ANTXR2: variants seen among roughly 807,000 people sequenced by gnomAD.
ANTXR2 encodes the protein anthrax toxin receptor 2.
In ANTXR2, 44 loss-of-function variants were observed where a neutral mutation model predicts 73.7. That is an observed-to-expected ratio of 0.60 (90% CI 0.47 to 0.77). The LOEUF is 0.77. Among genes scored for constraint, ANTXR2 ranks in the 30% least tolerant of loss-of-function variants. The pLI is 0.00. For missense variants in ANTXR2, 604 were observed against 592.5 expected (o/e 1.02, Z -0.20); for synonymous variants, 217 against 205.9 (o/e 1.05, Z -0.46).
intron 10 of ANTXR2, among the ~76,000 whole-genome samples, chr4:80,028,477 G>C (rs1000257122): frequency 3.3e-5 from 5 of 152,114 alleles, no homozygotes; most frequent in African/African-American, 1.2e-4. Flanking sequence ...AGAACGGATA[G>C]AGCAGGCTAA....
At chr4:80,030,095 T>C (rs1050548613) in intron 10 of ANTXR2, among the ~76,000 whole-genome samples, 1 of 151,988 alleles carries the variant, frequency 6.6e-6, no homozygotes, top group Non-Finnish European at 1.5e-5. Flanking sequence ...AAGCAAGAGA[T>C]GGCAGTAACT....
chr4:79,992,182 T>C (rs994060900), intron 12 of ANTXR2, among the ~76,000 whole-genome samples: 2 of 152,028 alleles, frequency 1.3e-5, no homozygotes, highest in African/African-American at 4.8e-5. Context: ...AGTGGGAAGT[T>C]CATTATCTTA....
intron 16 of ANTXR2, among the ~76,000 whole-genome samples, chr4:79,960,941 T>A (rs1350450615): frequency 6.6e-6 from 1 of 151,974 alleles, no homozygotes; most frequent in Non-Finnish European, 1.5e-5. Context: ...ATAAGTACAT[T>A]TTTAGGAATA....
chr4:79,982,650 G>A (rs1474177204), intron 14 of ANTXR2, among the ~76,000 whole-genome samples: 3 of 152,016 alleles, frequency 2.0e-5, no homozygotes, highest in African/African-American at 7.2e-5. Context: ...TCAGTTTCTA[G>A]CACACAAAAA....
intron 16 of ANTXR2, among the ~76,000 whole-genome samples, chr4:79,949,489 G>C (rs1578104851): frequency 6.6e-6 from 1 of 152,108 alleles, no homozygotes. Context: ...AATATGGCAG[G>C]TTAAAAAAGT....
At chr4:80,042,260 C>A (rs1344034842) in intron 7 of ANTXR2, among the ~76,000 whole-genome samples, 1 of 151,978 alleles carries the variant, frequency 6.6e-6, no homozygotes, top group Non-Finnish European at 1.5e-5. Flanking sequence ...TAGAAAACTG[C>A]AAAACTCCGT....
chr4:80,039,300 C>G (rs1436601660), intron 7 of ANTXR2, among the ~76,000 whole-genome samples: 1 of 152,012 alleles, frequency 6.6e-6, no homozygotes, highest in Non-Finnish European at 1.5e-5. Context: ...TCTTTTCCAT[C>G]TAGAGTTTAC....
At chr4:80,050,018 C>G (rs551435630) in intron 7 of ANTXR2, among the ~76,000 whole-genome samples, 6 of 151,790 alleles carry the variant, frequency 4.0e-5, no homozygotes, top group African/African-American at 1.4e-4. Context: ...GATCCTTGAC[C>G]TAGTTCCATT....
chr4:80,030,800 G>GT (rs1732654952), intron 10 of ANTXR2, among the ~76,000 whole-genome samples: 1 of 152,018 alleles, frequency 6.6e-6, no homozygotes, highest in Admixed American at 6.6e-5. Flanking sequence ...TTGTGGCCTT[G>GT]TATATGTAAT....
Position 80,044,073 on chromosome 4 carries a change from C to T in ANTXR2, c.637-8041G>A, listed in dbSNP as rs537527057. ...AGGGACAAATACTCCAAGAATCCAA[C>T]GGGCTACAAAGAAGTTTCCTATCTT... On this transcript the variant is annotated intron_variant, in intron 7 of 16. Transcript: ENST00000403729. Among the ~76,000 whole-genome samples the T allele has an allele frequency of 5.9e-5, 9 of 151,948 alleles. No homozygotes were observed. The South Asian group carries it at 1.2e-3, about 21-fold the overall frequency.
intron 7 of ANTXR2, among the ~76,000 whole-genome samples, chr4:80,039,383 C>T (rs1292313616): frequency 6.6e-6 from 1 of 151,900 alleles, no homozygotes; most frequent in African/African-American, 2.4e-5. Flanking sequence ...TAGTTTGCAC[C>T]ATAAGTTTTT....
chr4:80,057,027 T>C (rs946223666), intron 3 of ANTXR2, among the ~76,000 whole-genome samples: 12 of 151,830 alleles, frequency 7.9e-5, no homozygotes, highest in African/African-American at 2.9e-4. Flanking sequence ...ACTTTTTCAA[T>C]AGAAGCAAAA....
chr4:80,064,349 CA>C (rs1254519779), intron 3 of ANTXR2, among the ~76,000 whole-genome samples: 1 of 151,790 alleles, frequency 6.6e-6, no homozygotes, highest in Non-Finnish European at 1.5e-5. Flanking sequence ...GGTATAATCA[CA>C]AAAAAAGACA....
intron 16 of ANTXR2, among the ~76,000 whole-genome samples, chr4:79,965,762 T>C (rs1729338204): frequency 6.6e-6 from 1 of 152,226 alleles, no homozygotes; most frequent in African/African-American, 2.4e-5. Flanking sequence ...TTGCTATGCA[T>C]AGACAATTCT....
intron 12 of ANTXR2, among the ~76,000 whole-genome samples, chr4:79,986,360 T>C (rs545625341): frequency 6.6e-6 from 1 of 152,312 alleles, no homozygotes; most frequent in East Asian, 1.9e-4. Context: ...ATAGCAACTT[T>C]GAAAATGTGG....
chr4:79,918,809 A>C (rs1727456107), intron 16 of ANTXR2, among the ~76,000 whole-genome samples: 1 of 152,068 alleles, frequency 6.6e-6, no homozygotes, highest in Non-Finnish European at 1.5e-5. Flanking sequence ...AAAGAAAATA[A>C]ATTTTTATGA....
At position 79,902,153 on chromosome 4, in the gene ANTXR2, G is replaced by A. The variant is rs534452397; in HGVS notation, c.*5276C>T. The A allele has an allele frequency of 1.3e-5, 2 of 152,170 alleles. No individual in the cohort carries two copies. Among genetic ancestry groups the A allele is most frequent in the East Asian group, 3.9e-4 (2 of 5,178 alleles). 9.4% of individuals were successfully genotyped at this position (152,170 alleles called of 1,614,324 possible). A position where few individuals can be genotyped will look rare whatever the true frequency, so the allele number is the denominator to read the frequency against. ...TGGATCACCCACTGACATTTACAATGTTGTAAATATAATTCATCTAAGATA... is the reference window on the plus strand; with the variant it reads ...TGGATCACCCACTGACATTTACAATATTGTAAATATAATTCATCTAAGATA... On this transcript the variant is annotated 3_prime_UTR_variant, in exon 17 of 17. Coordinates refer to ENST00000403729, the MANE Select transcript of ANTXR2 (RefSeq NM_058172.6).
At chr4:80,067,366 A>G (rs552902377) in intron 3 of ANTXR2, among the ~76,000 whole-genome samples, 1 of 152,322 alleles carries the variant, frequency 6.6e-6, no homozygotes, top group South Asian at 2.1e-4. Flanking sequence ...TCACCCAGTG[A>G]CCTACACTTC....
At chr4:79,957,794 A>C (rs1229356744) in intron 16 of ANTXR2, among the ~76,000 whole-genome samples, 1 of 152,070 alleles carries the variant, frequency 6.6e-6, no homozygotes, top group African/African-American at 2.4e-5. Context: ...ACAGAATAAT[A>C]ATATAGACTT....
Sources: gnomAD v4.1 joint callset for allele counts (sites outside exome capture counted in the v4.1 genomes callset) on GRCh38, gnomAD v4.1.1 for gene constraint, MANE v1.5 for transcripts, NCBI Gene and HGNC (gene_info 2026-07-23, HGNC 2026-07-21) for gene names.